Variants in PRAMEF12 observed in about 807,000 individuals in gnomAD.
PRAMEF12 encodes the protein PRAME family member 12.
PRAMEF12 carries 24 observed loss-of-function variants against 24.6 expected under a neutral mutation model. That is an observed-to-expected ratio of 0.98 (90% CI 0.71 to 1.37). The LOEUF (loss-of-function observed/expected upper bound fraction) is 1.37, where lower values mean the gene tolerates loss of function less well. Among genes scored for constraint, PRAMEF12 ranks in the 40% most tolerant of loss-of-function variants. The pLI is 0.00. For missense variants in PRAMEF12, 646 were observed against 580.3 expected (o/e 1.11, Z -1.16); for synonymous variants, 286 against 242.6 (o/e 1.18, Z -1.66).
rs774582625 is a variant in PRAMEF12 at position 12,777,240 on chromosome 1, C to T, written c.1093C>T (p.Leu365Phe). Reference protein sequence around the residue: ...LEDCGIVDSQLSAILPALSRC... With the variant: ...LEDCGIVDSQFSAILPALSRC... ...GGACTGTGGGATCGTGGATTCCCAA[C>T]TCAGCGCCATCCTGCCTGCCCTGAG... Residue 365 changes from leucine to phenylalanine, a missense_variant, in exon 3 of 3, where the codon CTC (leucine) becomes TTC (phenylalanine). By Grantham distance (22) the Leu-to-Phe change is conservative. Transcript: ENST00000357726. 6.2e-7 allele frequency: 1 copy of T among 1,612,466 alleles called. No individual in the cohort carries two copies. The highest frequency in any genetic ancestry group is 8.5e-7 in the Non-Finnish European group (1 of 1,179,940).
In PRAMEF12 at chr1:12,775,885, G is replaced by A. The variant is rs1639043813; in HGVS notation, c.630G>A (p.Val210=). The A allele has an allele frequency of 6.2e-7, 1 of 1,613,964 alleles. No homozygotes were observed. Among genetic ancestry groups the A allele is most frequent in the Non-Finnish European group, 8.5e-7 (1 of 1,180,026 alleles). The change falls in exon 2 of 3, where the codon GTG becomes GTA. Residue 210 remains valine (V), a synonymous_variant. Transcript: ENST00000357726. The part of the protein sequence containing the change: ...VELDCIQEVE[V]CCPWELSILI... ...TAGACTGTATCCAGGAGGTGGAAGTGTGCTGCCCGTGGGAGCTGTCCATTC... is the reference window on the plus strand; with the variant it reads ...TAGACTGTATCCAGGAGGTGGAAGTATGCTGCCCGTGGGAGCTGTCCATTC...
At chr1:12,776,225 G>A in intron 2 of PRAMEF12, 107 bp downstream of exon 2, 3 of 1,163,134 alleles carry the variant, frequency 2.6e-6, no homozygotes, top group Non-Finnish European at 3.8e-6. Flanking sequence ...GGAGGTAACA[G>A]CGAAGGGGAC....
Position 12,777,532 on chromosome 1 carries a change from G to C in PRAMEF12, c.1385G>C (p.Arg462Thr). 6.2e-7 allele frequency: 1 copy of C among 1,614,156 alleles called. No individual in the cohort carries two copies. The highest frequency in any genetic ancestry group is 8.5e-7 in the Non-Finnish European group (1 of 1,180,028). ...GTCCCCTGCCCTCGCTGTGGCATCA[G>C]GGCCTCCTATGACCTGGAGCCCAGT... ...STVPCPRCGIRASYDLEPSHC... is the reference protein window; with the variant it reads ...STVPCPRCGITASYDLEPSHC... The change falls in exon 3 of 3, where the codon AGG becomes ACG. Residue 462 changes from arginine (R) to threonine (T), a missense_variant. Physicochemically the swap from Arg to Thr is moderately conservative, Grantham distance 71 (BLOSUM62 -1). Transcript: ENST00000357726.
chr1:12,775,053 C>G lies in PRAMEF12; in HGVS notation c.186C>G (p.Thr62=), dbSNP rs767083076. The G allele has an allele frequency of 6.2e-7, 1 of 1,614,188 alleles. No individual in the cohort carries two copies. Among genetic ancestry groups the G allele is most frequent in the Non-Finnish European group, 8.5e-7 (1 of 1,180,022 alleles). Residue 62 remains threonine, a synonymous_variant, in exon 1 of 3, where the codon ACC becomes ACG. Transcript: ENST00000357726. ...CTATGGTGCAGGCCTGGCCCTTCAC[C>G]TGCCTTCCTCTAGGGTCCCTGATGA... ...LTTMVQAWPF[T]CLPLGSLMKS... is the part of the protein sequence containing the mutation.
At position 12,773,894 on chromosome 1, in the gene PRAMEF12, C is replaced by T. The variant is rs1569696994; in HGVS notation, c.-974C>T. Among the ~76,000 whole-genome samples the T allele has an allele frequency of 6.6e-6, 1 of 152,122 alleles. No homozygotes were observed. The highest frequency in any genetic ancestry group is 1.9e-4 in the East Asian group (1 of 5,194). ...CAGTCAGGGATGGTGACATGCAGCC[C>T]AAGGTGGCAGAGAGAATTTTCTTGT... is the stretch of plus-strand genomic sequence containing the variant. On this transcript the variant is annotated 5_prime_UTR_variant, in exon 1 of 3. Transcript: ENST00000357726.
Position 12,773,784 on chromosome 1 carries a change from G to A in PRAMEF12, c.-1084G>A, listed in dbSNP as rs562910026. On this transcript the variant is annotated 5_prime_UTR_variant, in exon 1 of 3. Coordinates refer to ENST00000357726, the MANE Select transcript of PRAMEF12 (RefSeq NM_001080830.5). The stretch of plus-strand genomic sequence containing the variant: ...GAGCTACTGCTCGGTTCTCTGAGAG[G>A]TTGCAGCACCCTGCAAACTGAGTCC... Among the ~76,000 whole-genome samples the A allele has an allele frequency of 1.3e-5, 2 of 152,276 alleles. No homozygotes were observed. Among genetic ancestry groups the A allele is most frequent in the African/African-American group, 4.8e-5 (2 of 41,544 alleles).
In PRAMEF12 at chr1:12,776,108, C is replaced by T; in HGVS notation, c.853C>T (p.Gln285Ter). The T allele has an allele frequency of 6.2e-7, 1 of 1,613,884 alleles. No individual in the cohort carries two copies. The highest frequency in any genetic ancestry group is 8.5e-7 in the Non-Finnish European group (1 of 1,179,746). The change falls in exon 2 of 3, where the codon CAG becomes TAG. Residue 285 changes from glutamine (Q) to a stop codon, truncating the protein, a stop_gained. Coordinates refer to ENST00000357726, the MANE Select transcript of PRAMEF12 (RefSeq NM_001080830.5). LOFTEE classifies it low-confidence loss of function (END_TRUNC). ...SVSFLEGHLD[Q>*]LLRCLQAPLE... ...CTCTTTCCTCGAAGGCCACCTGGAC[C>T]AGCTGCTCAGGTGAGGAAGTATGGT...
In PRAMEF12 at chr1:12,775,060, C is replaced by T. The variant is rs1256401692; in HGVS notation, c.193C>T (p.Pro65Ser). The part of the protein sequence containing the change: ...MVQAWPFTCL[P>S]LGSLMKSCNL... Reference sequence around the variant, plus strand: ...GCAGGCCTGGCCCTTCACCTGCCTTCCTCTAGGGTCCCTGATGAAGTCATG... The same window carrying T: ...GCAGGCCTGGCCCTTCACCTGCCTTTCTCTAGGGTCCCTGATGAAGTCATG... The change falls in exon 1 of 3, where the codon CCT (proline) becomes TCT (serine). Residue 65 changes from proline (P) to serine (S), a missense_variant. Transcript: ENST00000357726. 2.5e-6 allele frequency: 4 copies of T among 1,614,178 alleles called. No homozygotes were observed. Among genetic ancestry groups the T allele is most frequent in the South Asian group, 1.1e-5 (1 of 91,090 alleles).
chr1:12,777,319 C>A lies in PRAMEF12; in HGVS notation c.1172C>A (p.Ala391Asp). 6.2e-7 allele frequency: 1 copy of A among 1,612,972 alleles called. No individual in the cohort carries two copies. The highest frequency in any genetic ancestry group is 8.5e-7 in the Non-Finnish European group (1 of 1,179,862). The change falls in exon 3 of 3, where the codon GCC (alanine) becomes GAC (aspartate). Residue 391 changes from alanine (A) to aspartate (D), a missense_variant. Transcript: ENST00000357726. ...FSFCGNLISM[A>D]ALENLLRHTV... ...TTCTGTGGGAACCTCATCTCCATGGCCGCCCTGGAGAACCTGCTGCGCCAC... is the reference window on the plus strand; with the variant it reads ...TTCTGTGGGAACCTCATCTCCATGGACGCCCTGGAGAACCTGCTGCGCCAC...
chr1:12,777,264 A>G lies in PRAMEF12; in HGVS notation c.1117A>G (p.Ser373Gly), dbSNP rs1406375412. 3 of 1,612,422 alleles carry G rather than the reference A, an allele frequency of 1.9e-6. No individual in the cohort carries two copies. The highest frequency in any genetic ancestry group is 2.5e-6 in the Non-Finnish European group (3 of 1,179,894). The change falls in exon 3 of 3, where the codon AGC (serine) becomes GGC (glycine). Residue 373 changes from serine (S) to glycine (G), a missense_variant. Coordinates refer to ENST00000357726, the MANE Select transcript of PRAMEF12 (RefSeq NM_001080830.5). ...ACTCAGCGCCATCCTGCCTGCCCTG[A>G]GCCGCTGCTCCCAGCTCAGCACCTT... ...SQLSAILPAL[S>G]RCSQLSTFSF...
chr1:12,777,863 G>A lies in PRAMEF12; in HGVS notation c.*264G>A, dbSNP rs1049921007. On this transcript the variant is annotated 3_prime_UTR_variant, in exon 3 of 3. Transcript: ENST00000357726. The stretch of plus-strand genomic sequence containing the variant: ...ATGAGACAGTTACCCCTGCACGGAT[G>A]GTTGTAAAGAAACAGTCAGAAATAA... 15 of 485,084 alleles carry A rather than the reference G, an allele frequency of 3.1e-5. No homozygotes were observed. In the Admixed American group the frequency reaches 4.7e-4, roughly 15 times the overall value. 30.0% of individuals were successfully genotyped at this position (485,084 alleles called of 1,614,324 possible). A position where few individuals can be genotyped will look rare whatever the true frequency, so the allele number is the denominator to read the frequency against.
rs1639038484 is a variant in PRAMEF12 at position 12,775,652 on chromosome 1, G to T, written c.397G>T (p.Ala133Ser). 6.2e-7 allele frequency: 1 copy of T among 1,613,946 alleles called. No homozygotes were observed. Among genetic ancestry groups the T allele is most frequent in the African/African-American group, 1.3e-5 (1 of 74,878 alleles). The change falls in exon 2 of 3, where the codon GCA becomes TCA. Residue 133 changes from alanine to serine, a missense_variant. By Grantham distance (99) the Ala-to-Ser change is moderately conservative. Coordinates refer to ENST00000357726, the MANE Select transcript of PRAMEF12 (RefSeq NM_001080830.5). ...AGAGGCCCTGAGTAAGAGACGAACA[G>T]CAGGGAACTGTCCAAGGCCGGGTGG... The part of the protein sequence containing the change: ...SPEALSKRRT[A>S]GNCPRPGGQQ...
At position 12,775,656 on chromosome 1, in the gene PRAMEF12, G is replaced by A; in HGVS notation, c.401G>A (p.Gly134Glu). 1.2e-6 allele frequency: 2 copies of A among 1,613,968 alleles called. No individual in the cohort carries two copies. The highest frequency in any genetic ancestry group is 1.3e-5 in the African/African-American group (1 of 74,950). The change falls in exon 2 of 3, where the codon GGG becomes GAG. Residue 134 changes from glycine (G) to glutamate (E), a missense_variant. Physicochemically the swap from Gly to Glu is moderately conservative, Grantham distance 98. Coordinates refer to ENST00000357726, the MANE Select transcript of PRAMEF12 (RefSeq NM_001080830.5). ...PEALSKRRTA[G>E]NCPRPGGQQP... ...GCCCTGAGTAAGAGACGAACAGCAG[G>A]GAACTGTCCAAGGCCGGGTGGGCAG... is the stretch of plus-strand genomic sequence containing the variant.
chr1:12,776,146 C>A (rs1236834790), intron 2 of PRAMEF12, 28 bp downstream of exon 2: 4 of 1,596,684 alleles, frequency 2.5e-6, no homozygotes, highest in Non-Finnish European at 3.4e-6. Flanking sequence ...GCTTTCTCTG[C>A]AGACCGCAGC....
In PRAMEF12 at chr1:12,777,574, C is replaced by A; in HGVS notation, c.1427C>A (p.Ala476Asp). The A allele has an allele frequency of 6.2e-7, 1 of 1,614,150 alleles. No individual in the cohort carries two copies. The change falls in exon 3 of 3, where the codon GCC (alanine) becomes GAC (aspartate). Residue 476 changes from alanine to aspartate, a missense_variant. Ala to Asp is a moderately radical substitution (Grantham distance 126). Transcript: ENST00000357726. Reference sequence around the variant, plus strand: ...GAGCCCAGTCACTGTCTGTTGAATGCCTGCTGTCAGGGTGGATTTATTTAA... The same window carrying A: ...GAGCCCAGTCACTGTCTGTTGAATGACTGCTGTCAGGGTGGATTTATTTAA... ...DLEPSHCLLN[A>D]CCQGGFI
rs892012447 is a variant in PRAMEF12, at chr1:12,774,807, G to A, written c.-61G>A. The A allele has an allele frequency of 1.4e-6, 2 of 1,471,840 alleles. No individual in the cohort carries two copies. The highest frequency in any genetic ancestry group is 2.1e-5 in the Admixed American group (1 of 47,884). 91.2% of individuals were successfully genotyped at this position (1,471,840 alleles called of 1,614,324 possible). ...ACCAGAGCAATGACATTGGCACTAG[G>A]AGATGATGAAGTGATGTGATTTGCC... On this transcript the variant is annotated 5_prime_UTR_variant, in exon 1 of 3. Coordinates refer to ENST00000357726, the MANE Select transcript of PRAMEF12 (RefSeq NM_001080830.5).
Position 12,776,131 on chromosome 1 carries a change from G to C in PRAMEF12, c.863+13G>C. On this transcript the variant is annotated intron_variant, in intron 2 of 2. Coordinates refer to ENST00000357726, the MANE Select transcript of PRAMEF12 (RefSeq NM_001080830.5). ...ACCAGCTGCTCAGGTGAGGAAGTAT[G>C]GTGAGCTTTCTCTGCAGACCGCAGC... 6.2e-7 allele frequency: 1 copy of C among 1,610,680 alleles called. No individual in the cohort carries two copies. Among genetic ancestry groups the C allele is most frequent in the South Asian group, 1.1e-5 (1 of 90,988 alleles).
chr1:12,777,534 G>A lies in PRAMEF12; in HGVS notation c.1387G>A (p.Ala463Thr). Residue 463 changes from alanine (A) to threonine (T), a missense_variant, in exon 3 of 3, where the codon GCC (alanine) becomes ACC (threonine). By Grantham distance (58) the Ala-to-Thr change is moderately conservative (BLOSUM62 0). Transcript: ENST00000357726. Reference sequence around the variant, plus strand: ...CCCCTGCCCTCGCTGTGGCATCAGGGCCTCCTATGACCTGGAGCCCAGTCA... The same window carrying A: ...CCCCTGCCCTCGCTGTGGCATCAGGACCTCCTATGACCTGGAGCCCAGTCA... ...TVPCPRCGIR[A>T]SYDLEPSHCL... is the part of the protein sequence containing the mutation. 2 of 1,614,094 alleles carry A rather than the reference G, an allele frequency of 1.2e-6. No homozygotes were observed. The highest frequency in any genetic ancestry group is 1.7e-6 in the Non-Finnish European group (2 of 1,180,016).
Position 12,777,340 on chromosome 1 carries a change from G to A in PRAMEF12, c.1193G>A (p.Arg398His), listed in dbSNP as rs767371366. The A allele has an allele frequency of 1.9e-5, 31 of 1,613,298 alleles. No individual in the cohort carries two copies. Among genetic ancestry groups the A allele is most frequent in the African/African-American group, 9.3e-5 (7 of 74,880 alleles). The change falls in exon 3 of 3, where the codon CGC (arginine) becomes CAC (histidine). Residue 398 changes from arginine (R) to histidine (H), a missense_variant. Coordinates refer to ENST00000357726, the MANE Select transcript of PRAMEF12 (RefSeq NM_001080830.5). ...ATGGCCGCCCTGGAGAACCTGCTGC[G>A]CCACACCGTCGGGCTGAGCAAGCTA... ...ISMAALENLLRHTVGLSKLSL... is the reference protein window; with the variant it reads ...ISMAALENLLHHTVGLSKLSL...
Sources: allele counts gnomAD v4.1 joint callset (sites outside exome capture counted in the v4.1 genomes callset), GRCh38; gene constraint gnomAD v4.1.1; transcripts MANE v1.5; gene names NCBI Gene and HGNC (gene_info 2026-07-23, HGNC 2026-07-21).